Variants in TUSC3 observed in about 807,000 individuals in gnomAD.
TUSC3 encodes dolichyl-diphosphooligosaccharide--protein glycosyltransferase subunit TUSC3.
In TUSC3, 45 loss-of-function variants were observed where a neutral mutation model predicts 44.8. The ratio of observed to expected loss-of-function variants is 1.00; its 90% CI spans 0.79 to 1.29. TUSC3 has a LOEUF of 1.29. Ranked by LOEUF, TUSC3 falls within the 50% of genes most tolerant of loss-of-function variation. TUSC3 has a pLI of 0.00. For synonymous variants in TUSC3, 212 were observed against 152.9 expected (o/e 1.39, Z -2.85); for missense variants, 519 against 437.9 (o/e 1.19, Z -1.65).
intron 2 of TUSC3, among the ~76,000 whole-genome samples, chr8:15,530,741 T>G (rs550183328): frequency 6.6e-6 from 1 of 152,328 alleles, no homozygotes; most frequent in Admixed American, 6.5e-5. Flanking sequence ...ACATATTAAG[T>G]GTGTATCTAT....
intron 1 of TUSC3, among the ~76,000 whole-genome samples, chr8:15,450,947 C>G (rs972852631): frequency 6.6e-6 from 1 of 152,108 alleles, no homozygotes; most frequent in Non-Finnish European, 1.5e-5. Flanking sequence ...CCTAGCTGAC[C>G]CTTCTGGCAG....
chr8:15,844,914 G>T, the TUSC3 span, among the ~76,000 whole-genome samples: 1 of 152,026 alleles, frequency 6.6e-6, no homozygotes, highest in Admixed American at 6.6e-5. Context: ...ATCGTGAGTG[G>T]TCTTAAAATA....
At chr8:15,496,870 G>C (rs913580441) in intron 2 of TUSC3, among the ~76,000 whole-genome samples, 1 of 152,020 alleles carries the variant, frequency 6.6e-6, no homozygotes, top group Non-Finnish European at 1.5e-5. Flanking sequence ...GTTAGAAGAA[G>C]CTGGTAGTAG....
chr8:15,479,570 G>C (rs1183806496), intron 1 of TUSC3, among the ~76,000 whole-genome samples: 1 of 151,992 alleles, frequency 6.6e-6, no homozygotes, highest in Non-Finnish European at 1.5e-5. Flanking sequence ...TTTTTGTAAG[G>C]TTTGTCAAAG....
At position 15,764,784 on chromosome 8, in the gene TUSC3, A is replaced by C. The variant is rs1353777528; in HGVS notation, c.*628A>C. The C allele has an allele frequency of 2.0e-5, 3 of 152,524 alleles. No homozygotes were observed. The highest frequency in any genetic ancestry group is 4.8e-5 in the African/African-American group (2 of 41,426). The allele number at this position is 152,524 out of a possible 1,614,324, so 9.4% of individuals were successfully genotyped here. A position where few individuals can be genotyped will look rare whatever the true frequency, so the allele number is the denominator to read the frequency against. The stretch of plus-strand genomic sequence containing the variant: ...GACTAGAGCTCCTTCTTGAGATCTA[A>C]ATCTAAAGTAAATGTGCATTAAAGC... On this transcript the variant is annotated 3_prime_UTR_variant, in exon 11 of 11. Transcript: ENST00000503731.
intron 1 of TUSC3, among the ~76,000 whole-genome samples, chr8:15,480,230 C>T (rs772010376): frequency 6.6e-5 from 10 of 152,146 alleles, no homozygotes; most frequent in Admixed American, 2.0e-4. Flanking sequence ...TAGGAAGAAT[C>T]AACAACATAA....
At chr8:15,495,005 T>G (rs867847768) in intron 2 of TUSC3, among the ~76,000 whole-genome samples, 1 of 152,210 alleles carries the variant, frequency 6.6e-6, no homozygotes, top group Admixed American at 6.5e-5. Context: ...ACATGCAGTA[T>G]TTGGTTTGCT....
chr8:15,662,257 G>A lies in TUSC3; in HGVS notation c.669G>A (p.Glu223=). Residue 223 remains glutamate (E), a synonymous_variant, in exon 5 of 11, where the codon GAG becomes GAA. Transcript: ENST00000503731. ...TTTATTTGAGAAGGAACAACTTGGA[G>A]TTCATCTATAACAAGACTGGTTGGG... ...GLLYLRRNNL[E]FIYNKTGWAM... is the part of the protein sequence containing the mutation. 6.2e-7 allele frequency: 1 copy of A among 1,613,052 alleles called. No individual in the cohort carries two copies. The highest frequency in any genetic ancestry group is 8.5e-7 in the Non-Finnish European group (1 of 1,179,286).
At chr8:15,784,508 G>A in the TUSC3 span, among the ~76,000 whole-genome samples, 1 of 151,916 alleles carries the variant, frequency 6.6e-6, no homozygotes, top group African/African-American at 2.4e-5. Flanking sequence ...ATGTGTGTGT[G>A]TGTGTGTGCA....
chr8:15,610,603 A>C (rs1186511800), intron 1 of TUSC3, among the ~76,000 whole-genome samples: 1 of 152,230 alleles, frequency 6.6e-6, no homozygotes, highest in Non-Finnish European at 1.5e-5. Flanking sequence ...AAGTTTCGGA[A>C]ACAGTTGTTA....
chr8:15,643,997 T>A (rs868494878), intron 2 of TUSC3, among the ~76,000 whole-genome samples: 1 of 152,214 alleles, frequency 6.6e-6, no homozygotes. Flanking sequence ...ACGAATCTGC[T>A]ATAAGAAGTT....
chr8:15,425,481 T>C (rs1285243347), intron 1 of TUSC3, among the ~76,000 whole-genome samples: 1 of 152,040 alleles, frequency 6.6e-6, no homozygotes, highest in Non-Finnish European at 1.5e-5. Context: ...TTTATTGGGG[T>C]ATAAGAAGAT....
chr8:15,670,198 C>A (rs1203035291), intron 5 of TUSC3, among the ~76,000 whole-genome samples: 1 of 151,718 alleles, frequency 6.6e-6, no homozygotes, highest in East Asian at 1.9e-4. Context: ...AGAATTTGTG[C>A]AGATTTTTTT....
At chr8:15,520,278 C>A (rs563141467) in intron 2 of TUSC3, among the ~76,000 whole-genome samples, 15 of 152,240 alleles carry the variant, frequency 9.9e-5, no homozygotes, top group African/African-American at 3.6e-4. Flanking sequence ...GTTTAAATAT[C>A]TTTAACATCT....
the TUSC3 span, among the ~76,000 whole-genome samples, chr8:15,812,288 G>C: frequency 6.6e-6 from 1 of 152,164 alleles, no homozygotes; most frequent in Non-Finnish European, 1.5e-5. Context: ...AAAACATTTA[G>C]AAAGTGTTAG....
chr8:15,703,362 A>T (rs1312966201), intron 6 of TUSC3, among the ~76,000 whole-genome samples: 1 of 152,018 alleles, frequency 6.6e-6, no homozygotes, highest in African/African-American at 2.4e-5. Flanking sequence ...CTAAGTGGGA[A>T]TTTTTTCTTC....
At chr8:15,712,124 T>A (rs1809877651) in intron 6 of TUSC3, among the ~76,000 whole-genome samples, 1 of 152,116 alleles carries the variant, frequency 6.6e-6, no homozygotes, top group African/African-American at 2.4e-5. Flanking sequence ...TACAATCTTA[T>A]TTTACAAGTA....
At chr8:15,599,015 C>T (rs529112250) in intron 1 of TUSC3, among the ~76,000 whole-genome samples, 1 of 151,890 alleles carries the variant, frequency 6.6e-6, no homozygotes, top group South Asian at 2.1e-4. Flanking sequence ...TAAGAAACTG[C>T]CAAACCATCT....
intron 6 of TUSC3, among the ~76,000 whole-genome samples, chr8:15,699,654 T>G (rs915332329): frequency 6.6e-6 from 1 of 152,184 alleles, no homozygotes; most frequent in Non-Finnish European, 1.5e-5. Context: ...CCCTTTAATA[T>G]GAGTTTGAAA....
Sources: gnomAD v4.1 joint callset for allele counts (sites outside exome capture counted in the v4.1 genomes callset) on GRCh38, gnomAD v4.1.1 for gene constraint, MANE v1.5 for transcripts, NCBI Gene and HGNC (gene_info 2026-07-23, HGNC 2026-07-21) for gene names.